The following DYSF variants were observed in gnomAD, a reference collection of about 807,000 sequenced individuals.
DYSF encodes the protein dystrophy-associated fer-1-like 1.
A neutral mutation model predicts 274.9 loss-of-function variants in DYSF; 212 were observed. The observed-to-expected ratio is 0.77, with a 90% CI of 0.69 to 0.86. The LOEUF is 0.86. Ranked by LOEUF, DYSF falls within the 40% of genes least tolerant of loss-of-function variation. The probability of loss-of-function intolerance (pLI) is 0.00; values close to 1 mark genes in which losing one functional copy is unlikely to be tolerated. For missense variants in DYSF, 2,666 were observed against 2,783.2 expected (o/e 0.96, Z 0.95); for synonymous variants, 1,091 against 1,078.7 (o/e 1.01, Z -0.22).
intron 1 of DYSF, among the ~76,000 whole-genome samples, chr2:71,461,504 G>C (rs962552202): frequency 7.9e-5 from 12 of 152,248 alleles, no homozygotes; most frequent in African/African-American, 2.9e-4. Context: ...GAATGGCCTT[G>C]CCCTTTGGCC....
At chr2:71,463,850 T>A (rs1186037541), upstream of DYSF, among the ~76,000 whole-genome samples, 4 of 152,150 alleles carry the variant, frequency 2.6e-5, no homozygotes, top group Non-Finnish European at 4.4e-5. Context: ...GTGGGATCCA[T>A]CCTGGAGCTG....
At chr2:71,453,967 C>T (rs2080941454) in exon 1 of DYSF, 1 of 1,612,242 alleles carries the variant, frequency 6.2e-7, no homozygotes, top group East Asian at 2.2e-5. Flanking sequence ...CTCTTTGCGC[C>T]CTGGGCGCAC....
At chr2:71,609,853 G>A (rs546308039) in intron 36 of DYSF, among the ~76,000 whole-genome samples, 1 of 152,338 alleles carries the variant, frequency 6.6e-6, no homozygotes, top group South Asian at 2.1e-4. Context: ...CTATGGCAGA[G>A]CGTCTGTATG....
chr2:71,487,024 G>A (rs1028162255), intron 3 of DYSF, among the ~76,000 whole-genome samples: 1 of 152,192 alleles, frequency 6.6e-6, no homozygotes, highest in Non-Finnish European at 1.5e-5. Context: ...CCTTGGCTGA[G>A]GTTCTGATTT....
intron 4 of DYSF, among the ~76,000 whole-genome samples, chr2:71,510,473 C>T (rs941986052): frequency 9.2e-5 from 14 of 152,172 alleles, no homozygotes; most frequent in Non-Finnish European, 1.2e-4. Flanking sequence ...GTCTCAGTTG[C>T]CTTTGTTGAC....
chr2:71,612,855 G>A (rs1372447748), intron 39 of DYSF, 49 bp downstream of exon 39: 1 of 1,582,206 alleles, frequency 6.3e-7, no homozygotes, highest in African/African-American at 1.3e-5. Context: ...GGAGCCTCAG[G>A]GCCAAGCTAC....
intron 32 of DYSF, among the ~76,000 whole-genome samples, chr2:71,593,626 C>T (rs1378711373): frequency 6.6e-6 from 1 of 152,206 alleles, no homozygotes; most frequent in Admixed American, 6.5e-5. Context: ...TGAACGGTAG[C>T]CTGAGCTGAG....
At chr2:71,592,948 C>T (rs2093310830) in intron 32 of DYSF, among the ~76,000 whole-genome samples, 1 of 152,120 alleles carries the variant, frequency 6.6e-6, no homozygotes, top group Admixed American at 6.5e-5. Context: ...AGAGATATTG[C>T]CATCCAGACG....
chr2:71,464,038 C>T (rs749998837), upstream of DYSF, among the ~76,000 whole-genome samples: 12 of 152,280 alleles, frequency 7.9e-5, no homozygotes, highest in Middle Eastern at 3.4e-3. Context: ...TCAGACTCTC[C>T]TCTCTTTCCT....
chr2:71,552,941 T>C, intron 19 of DYSF, 70 bp from the exon 20 acceptor site: 2 of 1,549,754 alleles, frequency 1.3e-6, no homozygotes, highest in Middle Eastern at 1.7e-4. Flanking sequence ...GCCAGACGTA[T>C]GTCCCCTCCC....
intron 31 of DYSF, 42 bp from the exon 32 acceptor site, chr2:71,590,160 TAACCACTCC>T (rs1280072819): frequency 1.2e-6 from 2 of 1,601,262 alleles, no homozygotes. Context: ...CCCCAGCTCT[TAACCACTCC>T]AGCCACTCAC....
intron 36 of DYSF, among the ~76,000 whole-genome samples, chr2:71,603,214 A>G (rs1005015420): frequency 2.0e-5 from 3 of 152,190 alleles, no homozygotes; most frequent in South Asian, 4.1e-4. Flanking sequence ...AAAGTGAGAA[A>G]CATGGCTTTG....
At chr2:71,479,491 T>C (rs1009155841) in intron 1 of DYSF, among the ~76,000 whole-genome samples, 2 of 152,132 alleles carry the variant, frequency 1.3e-5, no homozygotes, top group African/African-American at 4.8e-5. Flanking sequence ...AGAAATGCAC[T>C]TGCCAGCCCA....
intron 17 of DYSF, among the ~76,000 whole-genome samples, chr2:71,545,710 T>C (rs559472824): frequency 2.6e-5 from 4 of 152,204 alleles, no homozygotes; most frequent in Non-Finnish European, 4.4e-5. Flanking sequence ...TTTCCGACAG[T>C]TGTGTTTCAT....
intron 51 of DYSF, among the ~76,000 whole-genome samples, chr2:71,670,851 G>T (rs2095107027): frequency 6.6e-6 from 1 of 152,106 alleles, no homozygotes. Context: ...TGTAGCTTCT[G>T]GCCATCCTTG....
At chr2:71,565,246 C>CTTTTTTTTTTTTTTTTTTT (rs796705736) in intron 24 of DYSF, among the ~76,000 whole-genome samples, 2 of 131,330 alleles carry the variant, frequency 1.5e-5, no homozygotes, top group Admixed American at 7.6e-5. Context: ...CCACCCAGCT[C>CTTTTTTTTTTTTTTTTTTT]TTTTTTTTTT....
intron 17 of DYSF, among the ~76,000 whole-genome samples, chr2:71,547,903 T>C (rs572731807): frequency 6.6e-6 from 1 of 152,270 alleles, no homozygotes; most frequent in South Asian, 2.1e-4. Context: ...CTTGGCCTCA[T>C]TAGCCCGAGA....
Position 71,535,053 on chromosome 2 carries a change from C to T in DYSF, c.1413C>T (p.Asn471=). The change falls in exon 15 of 56, where the codon AAC becomes AAT. Residue 471 remains asparagine, a synonymous_variant. Transcript: ENST00000410020. The part of the protein sequence containing the change: ...LCSKILEKTA[N]PQWNQNITLP... ...GCAAGATCTTGGAGAAGACGGCCAA[C>T]CCTCAGTGGAACCAGAACATCACAC... 1 of 1,614,182 alleles carries T rather than the reference C, an allele frequency of 6.2e-7. No homozygotes were observed. Among genetic ancestry groups the T allele is most frequent in the Non-Finnish European group, 8.5e-7 (1 of 1,180,028 alleles).
chr2:71,559,388 C>G (rs1329525528), intron 22 of DYSF, among the ~76,000 whole-genome samples: 1 of 151,448 alleles, frequency 6.6e-6, no homozygotes, highest in Non-Finnish European at 1.5e-5. Flanking sequence ...CCATGTCCTT[C>G]CTCCTTCCTT....
Sources: gnomAD v4.1 joint callset for allele counts (sites outside exome capture counted in the v4.1 genomes callset) on GRCh38, gnomAD v4.1.1 for gene constraint, MANE v1.5 for transcripts, NCBI Gene and HGNC (gene_info 2026-07-23, HGNC 2026-07-21) for gene names.